Variants in STRIP2 observed in about 807,000 individuals in gnomAD.
STRIP2 encodes the protein striatin interacting protein 2, also known as striatin-interacting protein 2.
Under a neutral mutation model 107.1 loss-of-function variants are expected in STRIP2, and 84 were observed. The ratio of observed to expected loss-of-function variants is 0.78; its 90% CI spans 0.66 to 0.94. The LOEUF (loss-of-function observed/expected upper bound fraction) is 0.94, where lower values mean the gene tolerates loss of function less well. Ranked by LOEUF, STRIP2 falls within the 40% of genes least tolerant of loss-of-function variation. The pLI is 0.00. For missense variants in STRIP2, 888 were observed against 1,034.2 expected, an observed-to-expected ratio of 0.86 and a Z score of 1.94; for synonymous variants, 394 against 400.4, an observed-to-expected ratio of 0.98 and a Z score of 0.19.
At chr7:129,450,282 A>G (rs1798147714) in intron 3 of STRIP2, among the ~76,000 whole-genome samples, 1 of 152,230 alleles carries the variant, frequency 6.6e-6, no homozygotes, top group South Asian at 2.1e-4. Flanking sequence ...TAGGAAATAT[A>G]TATATATTAA....
At chr7:129,451,290 G>T (rs1798185159) in intron 3 of STRIP2, among the ~76,000 whole-genome samples, 1 of 152,048 alleles carries the variant, frequency 6.6e-6, no homozygotes, top group South Asian at 2.1e-4. Context: ...AGGTCATTTT[G>T]TATTGTGCCT....
intron 14 of STRIP2, 56 bp downstream of exon 14, chr7:129,463,096 A>G (rs1303320261): frequency 1.4e-6 from 2 of 1,449,678 alleles, no homozygotes; most frequent in African/African-American, 2.8e-5. Flanking sequence ...ACAGACAGCT[A>G]AAAACCATTT....
Position 129,482,982 on chromosome 7 carries a change from A to C in STRIP2, c.2190A>C (p.Lys730Asn), listed in dbSNP as rs1799166355. The C allele has an allele frequency of 1.2e-6, 2 of 1,614,206 alleles. No homozygotes were observed. Among genetic ancestry groups the C allele is most frequent in the East Asian group, 4.5e-5 (2 of 44,886 alleles). ...GCCAATGGAGGAAAAGCAACATGAA[A>C]ACCATGTCAGCCATTTACCAGAAAG... ...LGRQWRKSNM[K>N]TMSAIYQKVR... is the part of the protein sequence containing the mutation. The change falls in exon 20 of 21, where the codon AAA becomes AAC. Residue 730 changes from lysine (K) to asparagine (N), a missense_variant. Coordinates refer to ENST00000249344, the MANE Select transcript of STRIP2 (RefSeq NM_020704.3).
chr7:129,459,676 G>A, intron 12 of STRIP2, 96 bp downstream of exon 12: 3 of 1,012,348 alleles, frequency 3.0e-6, no homozygotes, highest in Non-Finnish European at 3.1e-6. Flanking sequence ...TTTTATACCA[G>A]ACTCTTTCTG....
intron 1 of STRIP2, among the ~76,000 whole-genome samples, chr7:129,437,217 A>T (rs1325811777): frequency 6.1e-5 from 2 of 32,814 alleles, no homozygotes; most frequent in African/African-American, 1.3e-4. Flanking sequence ...GCAGGTGGGT[A>T]GCTTCAGCCA....
chr7:129,460,267 TCAG>T, intron 12 of STRIP2, 31 bp from the exon 13 acceptor site: 1 of 1,598,366 alleles, frequency 6.3e-7, no homozygotes. Flanking sequence ...AATGAGGCCC[TCAG>T]CCCTTGTTGA....
chr7:129,449,535 G>A (rs1235673436), intron 3 of STRIP2, among the ~76,000 whole-genome samples: 3 of 152,184 alleles, frequency 2.0e-5, no homozygotes, highest in African/African-American at 2.4e-5. Flanking sequence ...ATGGGTCAGG[G>A]AGGAGATATT....
chr7:129,476,965 G>A (rs1032400272), intron 18 of STRIP2, among the ~76,000 whole-genome samples: 41 of 151,484 alleles, frequency 2.7e-4, no homozygotes, highest in African/African-American at 9.2e-4. Context: ...TCGCGGTTAG[G>A]AGCTGGAGAC....
At chr7:129,435,604 C>T (rs1004002313) in intron 1 of STRIP2, among the ~76,000 whole-genome samples, 1 of 152,184 alleles carries the variant, frequency 6.6e-6, no homozygotes, top group Non-Finnish European at 1.5e-5. Context: ...CGGCACATTA[C>T]GGAACCTCTC....
rs1799178810 is a variant in STRIP2, at chr7:129,483,538, A to G, written c.2254+492A>G. The stretch of plus-strand genomic sequence containing the variant: ...TATTTTATCAAAATGAAAGCAAGTT[A>G]TGTATGCTATTTTGTAATTTTCTCT... On this transcript the variant is annotated intron_variant, in intron 20 of 20. Transcript: ENST00000249344. The surrounding 1 kb of genome is among the most constrained non-coding windows in gnomAD (Gnocchi z 5.1). 1 of 162,546 alleles carries G rather than the reference A, an allele frequency of 6.2e-6. No individual in the cohort carries two copies. The highest frequency in any genetic ancestry group is 2.4e-5 in the African/African-American group (1 of 41,608). The allele number at this position is 162,546 out of a possible 1,614,324, so 10.1% of individuals were successfully genotyped here.
In STRIP2 at chr7:129,437,154, T is replaced by G. The variant is rs191229134; in HGVS notation, c.129+2553T>G. 2.0e-3 allele frequency among the ~76,000 whole-genome samples: 303 copies of G among 152,268 alleles called. 4 individuals are homozygous for G. The highest frequency in any genetic ancestry group is 0.016 in the Admixed American group (247 of 15,296). ...AGGCTAAAATTTTTATTTTAAGAAA[T>G]AAAGCCAGCATGATGGCTCATGCCT... On this transcript the variant is annotated intron_variant, in intron 1 of 20. Coordinates refer to ENST00000249344, the MANE Select transcript of STRIP2 (RefSeq NM_020704.3).
chr7:129,467,735 G>A (rs150187270), intron 17 of STRIP2, among the ~76,000 whole-genome samples: 14 of 152,138 alleles, frequency 9.2e-5, no homozygotes, highest in African/African-American at 3.1e-4. Flanking sequence ...TGGATCCAGG[G>A]GTTGTTTTTT....
In STRIP2 at chr7:129,475,320, A is replaced by G. The variant is rs112031973; in HGVS notation, c.1944+4605A>G. On this transcript the variant is annotated intron_variant, in intron 18 of 20. Transcript: ENST00000249344. Reference sequence around the variant, plus strand: ...ATATTAAATATTTTATATGTATTATATTGATATCTTTTTATTTTTTTATTT... The same window carrying G: ...ATATTAAATATTTTATATGTATTATGTTGATATCTTTTTATTTTTTTATTT... 6.7e-3 allele frequency among the ~76,000 whole-genome samples: 1,020 copies of G among 152,002 alleles called. 12 individuals are homozygous for G. Among genetic ancestry groups the G allele is most frequent in the African/African-American group, 0.024 (985 of 41,552 alleles).
At chr7:129,468,348 C>T (rs1007726471) in intron 17 of STRIP2, among the ~76,000 whole-genome samples, 1 of 152,182 alleles carries the variant, frequency 6.6e-6, no homozygotes, top group African/African-American at 2.4e-5. Flanking sequence ...TTAAAACACA[C>T]ACACACCCTA....
At chr7:129,437,213 G>C (rs775445501) in intron 1 of STRIP2, among the ~76,000 whole-genome samples, 1 of 44,958 alleles carries the variant, frequency 2.2e-5, no homozygotes, top group Non-Finnish European at 5.6e-5. Context: ...TGAGGCAGGT[G>C]GGTAGCTTCA....
intron 20 of STRIP2, chr7:129,484,385 A>C (rs1799196459): frequency 6.6e-6 from 1 of 152,154 alleles, no homozygotes; most frequent in African/African-American, 2.4e-5. Context: ...ATTGTTTTGT[A>C]TTTGACCATT....
chr7:129,454,658 T>C, intron 7 of STRIP2, 131 bp downstream of exon 7: 1 of 658,674 alleles, frequency 1.5e-6, no homozygotes, highest in South Asian at 1.8e-5. Context: ...TCCTTTCTTT[T>C]AGGACACAGA....
chr7:129,459,805 C>A (rs1021594169), intron 12 of STRIP2, among the ~76,000 whole-genome samples: 3 of 152,152 alleles, frequency 2.0e-5, no homozygotes, highest in Admixed American at 6.5e-5. Context: ...CCTCTCATTT[C>A]TTTTTCCTCT....
chr7:129,448,293 G>C (rs1798091107), intron 3 of STRIP2, among the ~76,000 whole-genome samples: 1 of 152,210 alleles, frequency 6.6e-6, no homozygotes. Flanking sequence ...CTCAGAGCCA[G>C]TGTCCAGTAG....
Sources: allele counts gnomAD v4.1 joint callset (sites outside exome capture counted in the v4.1 genomes callset), GRCh38; gene constraint gnomAD v4.1.1; non-coding constraint Gnocchi (gnomAD v3.1); transcripts MANE v1.5; gene names NCBI Gene and HGNC (gene_info 2026-07-23, HGNC 2026-07-21).